GNAS: variants seen among roughly 807,000 people sequenced by gnomAD.
GNAS encodes protein ALEX.
In GNAS, 8 loss-of-function variants were observed where a neutral mutation model predicts 54.5. The observed-to-expected ratio is 0.15, with a 90% confidence interval of 0.09 to 0.26. GNAS has a LOEUF of 0.26. GNAS is among the 10% of genes least tolerant of loss of function. The probability of loss-of-function intolerance (pLI) is 1.00; values close to 1 mark genes in which losing one functional copy is unlikely to be tolerated. For synonymous variants in GNAS, 204 were observed against 191.4 expected, an observed-to-expected ratio of 1.07 and a Z score of -0.54; for missense variants, 170 against 529.8, an observed-to-expected ratio of 0.32 and a Z score of 6.67.
At chr20:58,882,591 G>A (rs2088311102) in intron 1 of GNAS, among the ~76,000 whole-genome samples, 1 of 152,210 alleles carries the variant, frequency 6.6e-6, no homozygotes, top group African/African-American at 2.4e-5. Context: ...CAGCCCCATG[G>A]ATCACAGCTG....
At chr20:58,878,959 G>A (rs551217194) in intron 1 of GNAS, among the ~76,000 whole-genome samples, 38 of 152,206 alleles carry the variant, frequency 2.5e-4, no homozygotes, top group African/African-American at 8.9e-4. Context: ...GCAGAGCCTG[G>A]AGGCCAAAGG....
At chr20:58,872,112 C>T (rs1009672882) in intron 1 of GNAS, among the ~76,000 whole-genome samples, 14 of 152,194 alleles carry the variant, frequency 9.2e-5, no homozygotes, top group African/African-American at 3.1e-4. Context: ...TGTGCCAAGA[C>T]GGGGGCCACC....
intron 1 of GNAS, among the ~76,000 whole-genome samples, chr20:58,879,815 G>A (rs1034585091): frequency 1.3e-5 from 2 of 152,058 alleles, no homozygotes; most frequent in African/African-American, 4.8e-5. Flanking sequence ...GTCAGAATCT[G>A]GTGCCTGCAG....
intron 3 of GNAS, among the ~76,000 whole-genome samples, chr20:58,901,942 G>A (rs1454187931): frequency 6.7e-6 from 1 of 149,938 alleles, no homozygotes; most frequent in African/African-American, 2.5e-5. Context: ...CTTAACTGTC[G>A]TGTTCTAGTC....
chr20:58,889,802 G>A (rs1469256910), upstream of GNAS, among the ~76,000 whole-genome samples: 2 of 151,196 alleles, frequency 1.3e-5, no homozygotes, highest in African/African-American at 4.8e-5. Flanking sequence ...GCGCACGGGG[G>A]CCGGGCAGCC....
At chr20:58,871,283 A>T (rs2087427334) in intron 1 of GNAS, among the ~76,000 whole-genome samples, 1 of 152,234 alleles carries the variant, frequency 6.6e-6, no homozygotes, top group Non-Finnish European at 1.5e-5. Context: ...AAGAGAAATT[A>T]AGGTGCAAAC....
At chr20:58,905,314 TTGAA>T in intron 5 of GNAS, 65 bp from the exon 6 acceptor site, 1 of 908,110 alleles carries the variant, frequency 1.1e-6, no homozygotes, top group Non-Finnish European at 1.9e-6. Flanking sequence ...GTCTCAGGGT[TTGAA>T]TGACAGTGTT....
intron 1 of GNAS, among the ~76,000 whole-genome samples, chr20:58,871,730 G>A (rs1317110332): frequency 6.7e-6 from 1 of 148,698 alleles, no homozygotes; most frequent in East Asian, 2.0e-4. Flanking sequence ...GGAGGGAGGA[G>A]GGAGGGGGAG....
At chr20:58,850,716 C>CCCAA (rs2086125778) in intron 1 of GNAS, 1 of 398,828 alleles carries the variant, frequency 2.5e-6, no homozygotes, top group African/African-American at 2.1e-5. Context: ...CATCAACACA[C>CCCAA]CCAAGGGTTG....
chr20:58,891,707 C>T lies in GNAS; in HGVS notation c.-20C>T, dbSNP rs757532705. On this transcript the variant is annotated 5_prime_UTR_variant, in exon 1 of 13. Transcript: ENST00000371085. ...GCCGCCGCCGCAGCCCGGCCGCGCCCCGCCGCCGCCGCCGCCGCCATGGGC... is the reference window on the plus strand; with the variant it reads ...GCCGCCGCCGCAGCCCGGCCGCGCCTCGCCGCCGCCGCCGCCGCCATGGGC... The T allele has an allele frequency of 2.0e-6, 2 of 982,746 alleles. No homozygotes were observed. Among genetic ancestry groups the T allele is most frequent in the Admixed American group, 4.0e-5 (1 of 24,798 alleles). 60.9% of individuals were successfully genotyped at this position (982,746 alleles called of 1,614,324 possible). A position where few individuals can be genotyped will look rare whatever the true frequency, so the allele number is the denominator to read the frequency against.
chr20:58,893,078 T>C lies in GNAS; in HGVS notation c.139+1213T>C, dbSNP rs950390609. Among the ~76,000 whole-genome samples the C allele has an allele frequency of 2.2e-5, 3 of 138,244 alleles. No individual in the cohort carries two copies. In the East Asian group the frequency reaches 6.3e-4, roughly 29 times the overall value. 90.7% of individuals were successfully genotyped at this position (138,244 alleles called of 152,430 possible). The stretch of plus-strand genomic sequence containing the variant: ...AATGGCGTGGTTTCTTTTTTTTTTT[T>C]TTTTTTTTTTTGTCCTCCTCAAGGT... On this transcript the variant is annotated intron_variant, in intron 1 of 12. Coordinates refer to ENST00000371085, the MANE Select transcript of GNAS (RefSeq NM_000516.7).
intron 1 of GNAS, among the ~76,000 whole-genome samples, chr20:58,881,316 C>T (rs984875826): frequency 1.3e-5 from 2 of 152,166 alleles, no homozygotes; most frequent in African/African-American, 2.4e-5. Context: ...TTAGATGTCT[C>T]TGGGTCCCAA....
intron 3 of GNAS, chr20:58,899,506 T>C (rs2090391839): frequency 1.8e-6 from 1 of 542,540 alleles, no homozygotes; most frequent in East Asian, 5.0e-5. Flanking sequence ...GAAAAGCCTC[T>C]GGCCTTTTAA....
At chr20:58,860,739 G>C (rs1008387696) in intron 1 of GNAS, among the ~76,000 whole-genome samples, 4 of 152,130 alleles carry the variant, frequency 2.6e-5, no homozygotes, top group African/African-American at 9.7e-5. Flanking sequence ...TCGGCTCACT[G>C]CAACTTCTGC....
chr20:58,861,831 G>A (rs965743467), intron 1 of GNAS, among the ~76,000 whole-genome samples: 5 of 148,392 alleles, frequency 3.4e-5, no homozygotes, highest in Admixed American at 6.7e-5. Context: ...TCAGCCTCCC[G>A]AGTAGCTGGG....
At position 58,863,895 on chromosome 20, in the gene GNAS, G is replaced by T. The variant is rs1393130255; in HGVS notation, c.43+23009G>T. On this transcript the variant is annotated intron_variant, in intron 1 of 12. Coordinates refer to the GNAS transcript ENST00000306090. The surrounding 1 kb of genome is among the most constrained non-coding windows in gnomAD (Gnocchi z 4.1). ...AGTTTGAAGCTGTGGGATATTTGAGGGGGAAAAAATGAATAATGCTTATCA... is the reference window on the plus strand; with the variant it reads ...AGTTTGAAGCTGTGGGATATTTGAGTGGGAAAAAATGAATAATGCTTATCA... 6.6e-6 allele frequency: 1 copy of T among 152,600 alleles called. No individual in the cohort carries two copies. Among genetic ancestry groups the T allele is most frequent in the East Asian group, 1.9e-4 (1 of 5,202 alleles). 9.5% of individuals were successfully genotyped at this position (152,600 alleles called of 1,614,324 possible).
chr20:58,874,688 T>C (rs6026572), intron 1 of GNAS, among the ~76,000 whole-genome samples: 15,198 of 145,644 alleles, frequency 0.1, 1,061 homozygotes, highest in African/African-American at 0.22. Flanking sequence ...GCCTGCCTTC[T>C]ATCTTTGCTC....
In GNAS at chr20:58,891,721, G is replaced by T; in HGVS notation, c.-6G>T. ...CCGGCCGCGCCCCGCCGCCGCCGCC[G>T]CCGCCATGGGCTGCCTCGGGAACAG... On this transcript the variant is annotated 5_prime_UTR_variant, in exon 1 of 13. Transcript: ENST00000371085. The T allele has an allele frequency of 9.0e-7, 1 of 1,113,516 alleles. No individual in the cohort carries two copies. Among genetic ancestry groups the T allele is most frequent in the Non-Finnish European group, 1.1e-6 (1 of 884,550 alleles). 69.0% of individuals were successfully genotyped at this position (1,113,516 alleles called of 1,614,324 possible). A position where few individuals can be genotyped will look rare whatever the true frequency, so the allele number is the denominator to read the frequency against.
chr20:58,841,704 G>A lies in GNAS; in HGVS notation c.43+818G>A, dbSNP rs2145479347. The A allele has an allele frequency of 8.2e-7, 1 of 1,212,302 alleles. No homozygotes were observed. The highest frequency in any genetic ancestry group is 3.3e-5 in the East Asian group (1 of 30,356). 75.1% of individuals were successfully genotyped at this position (1,212,302 alleles called of 1,614,324 possible). On this transcript the variant is annotated intron_variant, in intron 1 of 12. Coordinates refer to the GNAS transcript ENST00000306090. This position sits in a 1 kb window ranked among gnomAD's most constrained non-coding sequence, Gnocchi z 5.0. ...TAGAGGAGGTAAGGGGACCCTTGGG[G>A]ATGCCCCTACGGGCTACCAGGGTTG... is the stretch of plus-strand genomic sequence containing the variant.
Sources: allele counts gnomAD v4.1 joint callset (sites outside exome capture counted in the v4.1 genomes callset), GRCh38; gene constraint gnomAD v4.1.1; non-coding constraint Gnocchi (gnomAD v3.1); transcripts MANE v1.5; gene names NCBI Gene and HGNC (gene_info 2026-07-23, HGNC 2026-07-21).